The following TRABD2B variants were observed in gnomAD, a reference collection of about 807,000 sequenced individuals.
TRABD2B encodes the protein TraB domain containing 2B, also known as metalloprotease TIKI2.
TRABD2B carries 14 observed loss-of-function variants against 40.1 expected under a neutral mutation model. The ratio of observed to expected loss-of-function variants is 0.35; its 90% confidence interval spans 0.23 to 0.55. The LOEUF (loss-of-function observed/expected upper bound fraction) is 0.55, where lower values mean the gene tolerates loss of function less well. Among genes scored for constraint, TRABD2B ranks in the 20% least tolerant of loss-of-function variants. TRABD2B has a pLI of 0.90. For synonymous variants in TRABD2B, 263 were observed against 277.0 expected (o/e 0.95, Z 0.50); for missense variants, 541 against 648.6 (o/e 0.83, Z 1.80).
chr1:47,965,263 A>G (rs961911142), intron 2 of TRABD2B, among the ~76,000 whole-genome samples: 4 of 141,720 alleles, frequency 2.8e-5, no homozygotes, highest in Non-Finnish European at 4.6e-5. Context: ...AGTTTCAACA[A>G]GAGTACAAGT....
At chr1:47,841,851 C>T (rs894327831) in intron 2 of TRABD2B, among the ~76,000 whole-genome samples, 6 of 149,212 alleles carry the variant, frequency 4.0e-5, no homozygotes, top group Non-Finnish European at 7.4e-5. Context: ...CAGCTCACTG[C>T]AACCTCTGCT....
At chr1:47,841,332 C>T (rs1429635904) in intron 2 of TRABD2B, among the ~76,000 whole-genome samples, 1 of 152,236 alleles carries the variant, frequency 6.6e-6, no homozygotes, top group Non-Finnish European at 1.5e-5. Flanking sequence ...ACCCAACACA[C>T]ATACCAGATG....
At position 47,824,974 on chromosome 1, in the gene TRABD2B, A is replaced by G. The variant is rs572621327; in HGVS notation, c.667-23355T>C. ...GCCCTGGCTTTGCACTGTCTTCTTC[A>G]TGGTCAGAAGTCCCTGCGACGAGGA... On this transcript the variant is annotated intron_variant, in intron 2 of 6. Coordinates refer to ENST00000606738, the MANE Select transcript of TRABD2B (RefSeq NM_001194986.2). 6.2e-4 allele frequency among the ~76,000 whole-genome samples: 95 copies of G among 152,294 alleles called. No homozygotes were observed. In the South Asian group the frequency reaches 8.5e-3, roughly 14 times the overall value.
At chr1:47,959,655 A>G (rs1165105172) in intron 2 of TRABD2B, among the ~76,000 whole-genome samples, 2 of 152,230 alleles carry the variant, frequency 1.3e-5, no homozygotes, top group Admixed American at 1.3e-4. Context: ...TCCCAAGACT[A>G]AACCAGGAAG....
intron 2 of TRABD2B, among the ~76,000 whole-genome samples, chr1:47,878,223 G>A (rs888311447): frequency 5.3e-5 from 8 of 152,122 alleles, no homozygotes; most frequent in African/African-American, 1.7e-4. Flanking sequence ...GGCTGAGGCA[G>A]GAGAATTGCT....
chr1:47,931,465 T>G (rs1291219163), intron 2 of TRABD2B, among the ~76,000 whole-genome samples: 1 of 152,188 alleles, frequency 6.6e-6, no homozygotes. Flanking sequence ...GCAACTACTT[T>G]GACTGAGACA....
At chr1:47,825,229 G>A (rs1281199606) in intron 2 of TRABD2B, among the ~76,000 whole-genome samples, 3 of 152,164 alleles carry the variant, frequency 2.0e-5, no homozygotes, top group Non-Finnish European at 4.4e-5. Context: ...AGAGAGTCAG[G>A]CTCAGAGAAA....
intron 2 of TRABD2B, among the ~76,000 whole-genome samples, chr1:47,874,801 C>G (rs1220421318): frequency 6.6e-6 from 1 of 151,718 alleles, no homozygotes; most frequent in Non-Finnish European, 1.5e-5. Flanking sequence ...ACGGATTGGT[C>G]TCCAATTCCT....
intron 2 of TRABD2B, among the ~76,000 whole-genome samples, chr1:47,976,790 TGA>T (rs1484206754): frequency 6.6e-6 from 1 of 152,204 alleles, no homozygotes; most frequent in African/African-American, 2.4e-5. Context: ...GAAGAATGAA[TGA>T]GTGTATGAAC....
At chr1:47,884,340 G>A (rs753008374) in intron 2 of TRABD2B, among the ~76,000 whole-genome samples, 1 of 152,188 alleles carries the variant, frequency 6.6e-6, no homozygotes, top group Non-Finnish European at 1.5e-5. Context: ...ACAGTGGCTG[G>A]TCTGAGGCCC....
chr1:47,890,961 C>G (rs1234339207), intron 2 of TRABD2B, among the ~76,000 whole-genome samples: 1 of 152,188 alleles, frequency 6.6e-6, no homozygotes, highest in African/African-American at 2.4e-5. Context: ...AGGTGCACAA[C>G]AGCACTCGCT....
intron 2 of TRABD2B, among the ~76,000 whole-genome samples, chr1:47,901,177 G>C (rs1197579422): frequency 6.6e-6 from 1 of 152,162 alleles, no homozygotes; most frequent in Non-Finnish European, 1.5e-5. Context: ...CCCTGCAAAA[G>C]GGTAAGGCAG....
At position 47,764,630 on chromosome 1, in the gene TRABD2B, G is replaced by A. The variant is rs1644280114; in HGVS notation, c.*1272C>T. The A allele has an allele frequency of 6.6e-6, 1 of 152,230 alleles. No individual in the cohort carries two copies. The highest frequency in any genetic ancestry group is 1.5e-5 in the Non-Finnish European group (1 of 68,054). 9.4% of individuals were successfully genotyped at this position (152,230 alleles called of 1,614,324 possible). A position where few individuals can be genotyped will look rare whatever the true frequency, so the allele number is the denominator to read the frequency against. On this transcript the variant is annotated 3_prime_UTR_variant, in exon 7 of 7. Transcript: ENST00000606738. ...ACACATGGCACATGCAGTTGCCAGA[G>A]CCCTTTGGCCAGAGGGGTCAACATA...
intron 2 of TRABD2B, among the ~76,000 whole-genome samples, chr1:47,878,939 ATT>A: frequency 6.9e-6 from 1 of 145,952 alleles, no homozygotes; most frequent in African/African-American, 2.5e-5. Flanking sequence ...TCTACAAAAG[ATT>A]TTTTTTTTTT....
intron 2 of TRABD2B, among the ~76,000 whole-genome samples, chr1:47,929,731 G>A (rs1645014956): frequency 6.6e-6 from 1 of 152,128 alleles, no homozygotes; most frequent in Non-Finnish European, 1.5e-5. Context: ...CATTTGCTGG[G>A]CAGGGTTAGC....
At chr1:47,791,306 A>C (rs1644668268) in intron 4 of TRABD2B, among the ~76,000 whole-genome samples, 1 of 152,218 alleles carries the variant, frequency 6.6e-6, no homozygotes, top group Non-Finnish European at 1.5e-5. Flanking sequence ...GAATGACAGA[A>C]GAGCCCCCAG....
intron 2 of TRABD2B, among the ~76,000 whole-genome samples, chr1:47,893,167 G>T (rs1003510775): frequency 2.6e-5 from 4 of 152,028 alleles, no homozygotes; most frequent in African/African-American, 9.7e-5. Context: ...AGTGGATAAA[G>T]TTAGTGACTT....
chr1:47,941,635 C>T (rs1645190349), intron 2 of TRABD2B, among the ~76,000 whole-genome samples: 1 of 152,206 alleles, frequency 6.6e-6, no homozygotes, highest in East Asian at 1.9e-4. Context: ...ACCTTGCCTA[C>T]CTCTCCAGGC....
intron 2 of TRABD2B, among the ~76,000 whole-genome samples, chr1:47,981,824 A>C (rs1645844567): frequency 1.3e-5 from 2 of 152,236 alleles, no homozygotes; most frequent in South Asian, 4.1e-4. Context: ...ATGGCTGATA[A>C]AGGCCTTCTC....
Sources: allele counts gnomAD v4.1 joint callset (sites outside exome capture counted in the v4.1 genomes callset), GRCh38; gene constraint gnomAD v4.1.1; transcripts MANE v1.5; gene names NCBI Gene and HGNC (gene_info 2026-07-23, HGNC 2026-07-21).